XPR1: variants seen among roughly 807,000 people sequenced by gnomAD.
XPR1 encodes the protein xenotropic and polytropic retrovirus receptor 1, also known as solute carrier family 53 member 1.
A neutral mutation model predicts 87.5 loss-of-function variants in XPR1; 28 were observed. That is an observed-to-expected ratio of 0.32 (90% CI 0.24 to 0.44). The LOEUF is 0.44. XPR1 is among the 20% of genes least tolerant of loss of function. XPR1 has a pLI of 1.00. For synonymous variants in XPR1, 300 were observed against 306.1 expected (o/e 0.98, Z 0.21); for missense variants, 559 against 862.3 (o/e 0.65, Z 4.41).
At chr1:180,718,236 C>T (rs2101993597) in intron 2 of XPR1, among the ~76,000 whole-genome samples, 1 of 152,180 alleles carries the variant, frequency 6.6e-6, no homozygotes, top group Non-Finnish European at 1.5e-5. Flanking sequence ...GCCATCAATA[C>T]ATGGGAATGG....
At chr1:180,760,318 C>T (rs1647962244) in intron 2 of XPR1, among the ~76,000 whole-genome samples, 1 of 152,182 alleles carries the variant, frequency 6.6e-6, no homozygotes, top group African/African-American at 2.4e-5. Flanking sequence ...AAGAGGAAGT[C>T]ACATTGTCGC....
chr1:180,707,627 G>C (rs565954701), intron 2 of XPR1, among the ~76,000 whole-genome samples: 7 of 152,190 alleles, frequency 4.6e-5, no homozygotes, highest in African/African-American at 1.7e-4. Flanking sequence ...TGTGAACCTA[G>C]AAGGATTGTG....
intron 2 of XPR1, among the ~76,000 whole-genome samples, chr1:180,685,242 A>C (rs1656723607): frequency 6.6e-6 from 1 of 152,208 alleles, no homozygotes; most frequent in African/African-American, 2.4e-5. Context: ...TATTGAGATA[A>C]TCATGTGATT....
intron 1 of XPR1, among the ~76,000 whole-genome samples, chr1:180,673,385 T>G (rs1656250910): frequency 6.6e-6 from 1 of 152,242 alleles, no homozygotes; most frequent in Non-Finnish European, 1.5e-5. Flanking sequence ...TGCATATATT[T>G]TCTTTGGAGT....
intron 3 of XPR1, among the ~76,000 whole-genome samples, chr1:180,789,895 A>G (rs183431183): frequency 7.0e-4 from 106 of 152,170 alleles, no homozygotes; most frequent in Non-Finnish European, 1.4e-3. Context: ...AATTGGAACC[A>G]CTGTAAATTT....
At chr1:180,866,161 A>G (rs1011978832) in intron 12 of XPR1, among the ~76,000 whole-genome samples, 7 of 152,074 alleles carry the variant, frequency 4.6e-5, no homozygotes, top group Non-Finnish European at 8.8e-5. Context: ...GCAGTGGGCT[A>G]TGTTCATGCC....
At chr1:180,637,856 A>T (rs996665903) in intron 1 of XPR1, among the ~76,000 whole-genome samples, 7 of 152,166 alleles carry the variant, frequency 4.6e-5, no homozygotes, top group Admixed American at 2.0e-4. Context: ...TCCTGGCCTA[A>T]GCTAACTCTT....
chr1:180,715,877 T>TG (rs1010981437), intron 2 of XPR1, among the ~76,000 whole-genome samples: 3 of 152,126 alleles, frequency 2.0e-5, no homozygotes, highest in African/African-American at 7.2e-5. Flanking sequence ...TTCTCCGTGT[T>TG]GCTCACGCTG....
At chr1:180,872,689 C>T (rs1401854694) in intron 12 of XPR1, among the ~76,000 whole-genome samples, 1 of 140,988 alleles carries the variant, frequency 7.1e-6, no homozygotes, top group African/African-American at 2.7e-5. Context: ...GCACGGTGCG[C>T]ACACACACTG....
intron 3 of XPR1, among the ~76,000 whole-genome samples, chr1:180,791,508 C>A (rs1157909162): frequency 6.6e-6 from 1 of 152,088 alleles, no homozygotes; most frequent in African/African-American, 2.4e-5. Context: ...AACTCCTGAC[C>A]TCAGGTGATT....
chr1:180,657,046 T>C (rs1400135688), intron 1 of XPR1, among the ~76,000 whole-genome samples: 1 of 152,110 alleles, frequency 6.6e-6, no homozygotes, highest in African/African-American at 2.4e-5. Flanking sequence ...TGGGGTGAGA[T>C]GATATCTCAT....
chr1:180,761,518 A>C (rs1648031215), intron 2 of XPR1, among the ~76,000 whole-genome samples: 1 of 152,146 alleles, frequency 6.6e-6, no homozygotes, highest in African/African-American at 2.4e-5. Context: ...ACACATGAAA[A>C]AATGCTCATC....
intron 1 of XPR1, among the ~76,000 whole-genome samples, chr1:180,679,322 G>T (rs978125026): frequency 6.6e-6 from 1 of 152,202 alleles, no homozygotes; most frequent in Non-Finnish European, 1.5e-5. Flanking sequence ...GCCTTCAGGG[G>T]ACATTCGGCA....
chr1:180,856,351 A>G (rs1249097514), intron 11 of XPR1, among the ~76,000 whole-genome samples: 1 of 151,934 alleles, frequency 6.6e-6, no homozygotes, highest in Non-Finnish European at 1.5e-5. Flanking sequence ...AGTCAAACAC[A>G]GTGTGATTCC....
chr1:180,634,122 T>G (rs1336317931), intron 1 of XPR1, among the ~76,000 whole-genome samples: 1 of 152,238 alleles, frequency 6.6e-6, no homozygotes, highest in Non-Finnish European at 1.5e-5. Flanking sequence ...CTGGGACTCC[T>G]CATTCACATA....
chr1:180,668,858 G>C (rs1436022537), intron 1 of XPR1, among the ~76,000 whole-genome samples: 1 of 152,126 alleles, frequency 6.6e-6, no homozygotes, highest in Non-Finnish European at 1.5e-5. Flanking sequence ...GGGAGGCCGA[G>C]GTGGGTAGAT....
At chr1:180,711,504 C>T (rs1657793184) in intron 2 of XPR1, among the ~76,000 whole-genome samples, 2 of 152,138 alleles carry the variant, frequency 1.3e-5, no homozygotes, top group Middle Eastern at 3.4e-3. Flanking sequence ...ATTGCAGGCA[C>T]TCGGCAGGCT....
chr1:180,810,560 T>C (rs1173835746), intron 6 of XPR1, among the ~76,000 whole-genome samples: 3 of 151,184 alleles, frequency 2.0e-5, no homozygotes, highest in African/African-American at 7.3e-5. Flanking sequence ...GCCTAGGCGA[T>C]AGGACGAGAC....
chr1:180,727,637 T>C (rs2102005124), intron 2 of XPR1, among the ~76,000 whole-genome samples: 2 of 152,078 alleles, frequency 1.3e-5, no homozygotes, highest in Middle Eastern at 6.8e-3. Flanking sequence ...AGAGTGAAAC[T>C]CCATCTCAAA....
Sources: allele counts gnomAD v4.1 joint callset (sites outside exome capture counted in the v4.1 genomes callset), GRCh38; gene constraint gnomAD v4.1.1; transcripts MANE v1.5; gene names NCBI Gene and HGNC (gene_info 2026-07-23, HGNC 2026-07-21).